The following CDH8 variants were observed in gnomAD, a reference collection of about 807,000 sequenced individuals.
CDH8 encodes cadherin-8.
Under a neutral mutation model 68.1 loss-of-function variants are expected in CDH8, and 17 were observed. That is an observed-to-expected ratio of 0.25 (90% CI 0.17 to 0.37). CDH8 has a LOEUF of 0.37. Ranked by LOEUF, CDH8 falls within the 10% of genes least tolerant of loss-of-function variation. The pLI, the probability that CDH8 is intolerant of heterozygous loss-of-function variation, is 1.00. For missense variants in CDH8, 763 were observed against 999.3 expected (o/e 0.76, Z 3.19); for synonymous variants, 372 against 365.1 (o/e 1.02, Z -0.21).
intron 2 of CDH8, among the ~76,000 whole-genome samples, chr16:61,928,584 T>G (rs1480466650): frequency 1.3e-5 from 2 of 152,170 alleles, no homozygotes; most frequent in Non-Finnish European, 2.9e-5. Flanking sequence ...ACCTCTTGAT[T>G]CTAACAGTGG....
chr16:61,831,692 A>C (rs947955327), intron 4 of CDH8, among the ~76,000 whole-genome samples: 1 of 151,782 alleles, frequency 6.6e-6, no homozygotes, highest in Non-Finnish European at 1.5e-5. Context: ...ATATCACCAG[A>C]TTGAGAGGCT....
chr16:61,904,228 G>A (rs1478253073), intron 2 of CDH8, among the ~76,000 whole-genome samples: 1 of 152,164 alleles, frequency 6.6e-6, no homozygotes, highest in Non-Finnish European at 1.5e-5. Context: ...AACGTCACCT[G>A]AGGCTGCAGG....
intron 8 of CDH8, among the ~76,000 whole-genome samples, chr16:61,787,354 T>A (rs980539708): frequency 5.4e-5 from 8 of 147,146 alleles, no homozygotes; most frequent in Admixed American, 5.4e-4. Flanking sequence ...TCATCATCAC[T>A]AGCCATCAGA....
chr16:61,722,535 G>A (rs539606633), intron 9 of CDH8, among the ~76,000 whole-genome samples: 1 of 150,796 alleles, frequency 6.6e-6, no homozygotes, highest in East Asian at 2.0e-4. Context: ...TTGTAGATGG[G>A]TAATAAATAT....
intron 8 of CDH8, among the ~76,000 whole-genome samples, chr16:61,727,748 T>A (rs2142894688): frequency 6.6e-6 from 1 of 151,202 alleles, no homozygotes; most frequent in African/African-American, 2.4e-5. Context: ...ACATTTTTCA[T>A]TAAAATTGAC....
In CDH8 at chr16:61,653,569, C is replaced by T. The variant is rs746958593; in HGVS notation, c.*39G>A. ...TAAGGGGAGTGACCCTAGAATATTA[C>T]AGAATGCTCAGTTCCAGTGATTTAT... On this transcript the variant is annotated 3_prime_UTR_variant, in exon 12 of 12. Transcript: ENST00000577390. The T allele has an allele frequency of 2.2e-5, 34 of 1,560,628 alleles. No homozygotes were observed. Among genetic ancestry groups the T allele is most frequent in the Non-Finnish European group, 2.8e-5 (32 of 1,156,358 alleles).
chr16:61,829,167 A>G (rs1490176404), intron 4 of CDH8, among the ~76,000 whole-genome samples: 1 of 151,820 alleles, frequency 6.6e-6, no homozygotes, highest in East Asian at 1.9e-4. Flanking sequence ...ACTCCTGCAA[A>G]GACTTTATTC....
chr16:61,926,189 GTGTA>G (rs1297766701), intron 2 of CDH8, among the ~76,000 whole-genome samples: 1 of 150,962 alleles, frequency 6.6e-6, no homozygotes, highest in Non-Finnish European at 1.5e-5. Context: ...GTGTGTGTGT[GTGTA>G]TACATTTACC....
intron 4 of CDH8, among the ~76,000 whole-genome samples, chr16:61,856,327 T>C (rs1963047681): frequency 1.3e-5 from 2 of 152,318 alleles, no homozygotes; most frequent in South Asian, 4.1e-4. Flanking sequence ...AGTTTTTAAA[T>C]GTGCTACAAC....
intron 8 of CDH8, among the ~76,000 whole-genome samples, chr16:61,730,523 T>C (rs1959505668): frequency 6.6e-6 from 1 of 151,566 alleles, no homozygotes; most frequent in South Asian, 2.1e-4. Flanking sequence ...GGTTTGTTAG[T>C]TTATAGTTCG....
At chr16:61,688,745 A>G (rs924165544) in intron 10 of CDH8, among the ~76,000 whole-genome samples, 1 of 151,980 alleles carries the variant, frequency 6.6e-6, no homozygotes, top group Non-Finnish European at 1.5e-5. Context: ...CAAGGGAAAC[A>G]CACCCTATTT....
intron 10 of CDH8, among the ~76,000 whole-genome samples, chr16:61,672,553 G>A (rs1490671723): frequency 6.6e-6 from 1 of 151,872 alleles, no homozygotes; most frequent in Non-Finnish European, 1.5e-5. Context: ...AGTTTTTCAT[G>A]TGTAAAATAT....
intron 8 of CDH8, among the ~76,000 whole-genome samples, chr16:61,770,205 C>A (rs926653905): frequency 1.1e-4 from 17 of 152,020 alleles, no homozygotes; most frequent in Middle Eastern, 3.4e-3. Context: ...TACACAGAGA[C>A]CAGCATTCTG....
chr16:61,854,008 G>C (rs1260936262), intron 4 of CDH8, among the ~76,000 whole-genome samples: 1 of 151,388 alleles, frequency 6.6e-6, no homozygotes, highest in Non-Finnish European at 1.5e-5. Flanking sequence ...ATATACATAT[G>C]TATGTGTGTA....
chr16:61,981,226 A>G (rs1284601891), intron 2 of CDH8, among the ~76,000 whole-genome samples: 2 of 152,244 alleles, frequency 1.3e-5, no homozygotes, highest in Non-Finnish European at 2.9e-5. Context: ...AAATTGTTCT[A>G]ATAATGAATG....
chr16:61,658,252 T>C (rs552956489), intron 10 of CDH8, among the ~76,000 whole-genome samples: 4 of 152,198 alleles, frequency 2.6e-5, no homozygotes, highest in African/African-American at 9.6e-5. Flanking sequence ...TAATTTTTTA[T>C]ATCTTAAATG....
In CDH8 at chr16:61,664,162, G is replaced by T. The variant is rs547734845; in HGVS notation, c.1655-8441C>A. On this transcript the variant is annotated intron_variant, in intron 10 of 11. Coordinates refer to ENST00000577390, the MANE Select transcript of CDH8 (RefSeq NM_001796.5). ...TCCCCTTAGCCATAATTTGAATTGT[G>T]AAGATGTATGTATTCTTTATATCGA... Among the ~76,000 whole-genome samples the T allele has an allele frequency of 2.6e-5, 4 of 151,894 alleles. No homozygotes were observed. The East Asian group carries it at 5.8e-4, about 22-fold the overall frequency.
intron 10 of CDH8, among the ~76,000 whole-genome samples, chr16:61,703,188 A>G (rs1021281930): frequency 6.6e-6 from 1 of 152,184 alleles, no homozygotes; most frequent in Non-Finnish European, 1.5e-5. Context: ...CGTTAGCTAG[A>G]TTATTCTTTG....
intron 1 of CDH8, among the ~76,000 whole-genome samples, chr16:62,033,934 C>A (rs577486537): frequency 3.1e-4 from 47 of 152,002 alleles, no homozygotes; most frequent in African/African-American, 1.1e-3. Flanking sequence ...TATGTGACAG[C>A]GAGCTTCAAA....
Sources: allele counts gnomAD v4.1 joint callset (sites outside exome capture counted in the v4.1 genomes callset), GRCh38; gene constraint gnomAD v4.1.1; transcripts MANE v1.5; gene names NCBI Gene and HGNC (gene_info 2026-07-23, HGNC 2026-07-21).